Variants in AAK1 observed in about 807,000 individuals in gnomAD.
AAK1 encodes the protein AP2 associated kinase 1.
AAK1 carries 37 observed loss-of-function variants against 116.0 expected under a neutral mutation model. The ratio of observed to expected loss-of-function variants is 0.32; its 90% CI spans 0.25 to 0.42. The LOEUF is 0.42. AAK1 is among the 10% of genes least tolerant of loss of function. The pLI, the probability that AAK1 is intolerant of heterozygous loss-of-function variation, is 1.00. For missense variants in AAK1, 919 were observed against 1,170.6 expected (o/e 0.79, Z 3.14); for synonymous variants, 458 against 439.9 (o/e 1.04, Z -0.51).
chr2:69,531,417 G>A (rs942871842), intron 6 of AAK1, among the ~76,000 whole-genome samples: 1 of 152,210 alleles, frequency 6.6e-6, no homozygotes, highest in African/African-American at 2.4e-5. Context: ...CAGGATGTAG[G>A]TGTGCAGGCT....
At chr2:69,519,367 C>T (rs1224754573) in intron 11 of AAK1, 127 bp from the exon 12 acceptor site, 1 of 1,291,412 alleles carries the variant, frequency 7.7e-7, no homozygotes, top group Non-Finnish European at 1.0e-6. Flanking sequence ...GTGTCCTCCT[C>T]ACTGTCTTTC....
intron 2 of AAK1, among the ~76,000 whole-genome samples, chr2:69,626,561 G>A (rs896999882): frequency 7.3e-5 from 11 of 150,630 alleles, no homozygotes; most frequent in African/African-American, 1.5e-4. Context: ...GTGAGGTGGC[G>A]CGATCACAGC....
At chr2:69,518,749 T>C (rs1676696877) in intron 12 of AAK1, among the ~76,000 whole-genome samples, 1 of 152,118 alleles carries the variant, frequency 6.6e-6, no homozygotes, top group African/African-American at 2.4e-5. Context: ...TGTTCCTCAA[T>C]CAGATGACAG....
chr2:69,512,116 T>A (rs763036139), intron 13 of AAK1, among the ~76,000 whole-genome samples: 6 of 151,974 alleles, frequency 3.9e-5, no homozygotes, highest in Non-Finnish European at 4.4e-5. Context: ...TGCCATCCCA[T>A]CCAAACAGGA....
intron 2 of AAK1, among the ~76,000 whole-genome samples, chr2:69,633,331 G>C (rs1017668113): frequency 1.3e-5 from 2 of 151,840 alleles, no homozygotes; most frequent in Admixed American, 1.3e-4. Flanking sequence ...TGCCAGGCAC[G>C]GTGGCTCACG....
chr2:69,476,651 T>C (rs1299428994), intron 21 of AAK1, among the ~76,000 whole-genome samples: 1 of 152,212 alleles, frequency 6.6e-6, no homozygotes, highest in East Asian at 1.9e-4. Flanking sequence ...TGGTAAAAAC[T>C]AACTTTTGGC....
intron 6 of AAK1, chr2:69,531,482 A>G: frequency 1.4e-6 from 1 of 697,212 alleles, no homozygotes; most frequent in Non-Finnish European, 1.8e-6. Flanking sequence ...AAAAAATCCA[A>G]CATTGTGGAC....
At chr2:69,509,704 A>G (rs955572198) in intron 13 of AAK1, among the ~76,000 whole-genome samples, 1 of 152,234 alleles carries the variant, frequency 6.6e-6, no homozygotes, top group African/African-American at 2.4e-5. Context: ...AATCTTTATC[A>G]GCGATAATAT....
At chr2:69,485,657 CTCTT>C (rs1417791935) in intron 17 of AAK1, among the ~76,000 whole-genome samples, 1 of 151,332 alleles carries the variant, frequency 6.6e-6, no homozygotes, top group African/African-American at 2.4e-5. Context: ...AAGAAAATCT[CTCTT>C]TTTTTTTTTT....
intron 2 of AAK1, among the ~76,000 whole-genome samples, chr2:69,595,898 G>C (rs1673257996): frequency 6.6e-6 from 1 of 152,176 alleles, no homozygotes; most frequent in Non-Finnish European, 1.5e-5. Context: ...GTGACTTTAG[G>C]TTAAAGCCAA....
chr2:69,521,769 CCT>C (rs1669791544), intron 10 of AAK1, among the ~76,000 whole-genome samples: 1 of 152,276 alleles, frequency 6.6e-6, no homozygotes, highest in South Asian at 2.1e-4. Flanking sequence ...TGGTTCAAGT[CCT>C]CTGTCTTCCT....
chr2:69,533,347 C>T (rs114449999), intron 5 of AAK1, among the ~76,000 whole-genome samples: 1 of 152,230 alleles, frequency 6.6e-6, no homozygotes, highest in African/African-American at 2.4e-5. Context: ...CCTGGTGTGT[C>T]AGGCGCAAGA....
At chr2:69,580,073 A>T (rs911426904) in intron 2 of AAK1, among the ~76,000 whole-genome samples, 2 of 151,998 alleles carry the variant, frequency 1.3e-5, no homozygotes, top group Non-Finnish European at 2.9e-5. Flanking sequence ...CCAATATCCA[A>T]CTAACAACCA....
At chr2:69,626,143 A>G (rs917582532) in intron 2 of AAK1, among the ~76,000 whole-genome samples, 3 of 152,114 alleles carry the variant, frequency 2.0e-5, no homozygotes, top group Non-Finnish European at 4.4e-5. Flanking sequence ...TACTCCATCA[A>G]TGATACCCCA....
chr2:69,490,493 A>C (rs1365271110), intron 17 of AAK1, among the ~76,000 whole-genome samples: 1 of 152,206 alleles, frequency 6.6e-6, no homozygotes, highest in South Asian at 2.1e-4. Flanking sequence ...AAGGAAGAAA[A>C]TTCTGACATA....
intron 5 of AAK1, among the ~76,000 whole-genome samples, chr2:69,540,309 T>A (rs1304330685): frequency 3.3e-5 from 5 of 152,062 alleles, no homozygotes; most frequent in Admixed American, 3.3e-4. Context: ...TTAGTAGAAA[T>A]GGGGTTTCAC....
At chr2:69,545,964 G>A (rs1276746875) in intron 3 of AAK1, among the ~76,000 whole-genome samples, 1 of 152,110 alleles carries the variant, frequency 6.6e-6, no homozygotes, top group Non-Finnish European at 1.5e-5. Context: ...AGAAAACTGA[G>A]CACCAGAAAG....
chr2:69,467,066 G>T lies in AAK1; in HGVS notation c.*8803C>A. On this transcript the variant is annotated 3_prime_UTR_variant, in exon 22 of 22. Coordinates refer to ENST00000409085, the MANE Select transcript of AAK1 (RefSeq NM_014911.5). ...CTGCTTGATAAATGCAAGTTTACTTGATGACTTACATCACAAGCACTACTC... is the reference window on the plus strand; with the variant it reads ...CTGCTTGATAAATGCAAGTTTACTTTATGACTTACATCACAAGCACTACTC... 1 of 985,434 alleles carries T rather than the reference G, an allele frequency of 1.0e-6. No individual in the cohort carries two copies. Among genetic ancestry groups the T allele is most frequent in the Non-Finnish European group, 1.2e-6 (1 of 829,942 alleles). The allele number at this position is 985,434 out of a possible 1,614,324, so 61.0% of individuals were successfully genotyped here. A position where few individuals can be genotyped will look rare whatever the true frequency, so the allele number is the denominator to read the frequency against.
At position 69,643,565 on chromosome 2, in the gene AAK1, C is replaced by G; in HGVS notation, c.-235+10G>C. 8.1e-7 allele frequency: 1 copy of G among 1,228,502 alleles called. No homozygotes were observed. The highest frequency in any genetic ancestry group is 1.0e-6 in the Non-Finnish European group (1 of 986,176). 76.1% of individuals were successfully genotyped at this position (1,228,502 alleles called of 1,614,324 possible). A position where few individuals can be genotyped will look rare whatever the true frequency, so the allele number is the denominator to read the frequency against. On this transcript the variant is annotated intron_variant, in intron 1 of 21. Coordinates refer to ENST00000409085, the MANE Select transcript of AAK1 (RefSeq NM_014911.5). ...GCCGCCCCTCGAGGCGGCATCCTGGCAGCACCCACTTGAGACGGCTCGGCG... is the reference window on the plus strand; with the variant it reads ...GCCGCCCCTCGAGGCGGCATCCTGGGAGCACCCACTTGAGACGGCTCGGCG...
Sources: gnomAD v4.1 joint callset for allele counts (sites outside exome capture counted in the v4.1 genomes callset) on GRCh38, gnomAD v4.1.1 for gene constraint, MANE v1.5 for transcripts, NCBI Gene and HGNC (gene_info 2026-07-23, HGNC 2026-07-21) for gene names.